The following LOXL2 variants were observed in gnomAD, a reference collection of about 807,000 sequenced individuals.
The protein encoded by LOXL2 is lysyl oxidase like 2.
Under a neutral mutation model 93.0 loss-of-function variants are expected in LOXL2, and 70 were observed. The observed-to-expected ratio is 0.75, with a 90% CI of 0.62 to 0.92. LOXL2 has a LOEUF of 0.92. Among genes scored for constraint, LOXL2 ranks in the 40% least tolerant of loss-of-function variants. The probability of loss-of-function intolerance (pLI) is 0.00; values close to 1 mark genes in which losing one functional copy is unlikely to be tolerated. For synonymous variants in LOXL2, 438 were observed against 413.2 expected (o/e 1.06, Z -0.73); for missense variants, 973 against 1,054.9 (o/e 0.92, Z 1.08).
chr8:23,323,197 A>T (rs1803524433), intron 6 of LOXL2, among the ~76,000 whole-genome samples: 1 of 152,240 alleles, frequency 6.6e-6, no homozygotes, highest in Non-Finnish European at 1.5e-5. Context: ...GGCTGGAAGC[A>T]TCGAAGGACT....
rs1181421343 is a variant in LOXL2 at position 23,353,049 on chromosome 8, G to T, written c.531+7041C>A. On this transcript the variant is annotated intron_variant, in intron 3 of 13. Transcript: ENST00000389131. ...GGTGGGGTGAGGTGGGGAGGGATGG[G>T]GTGAAGAAAAGAGAAAAGATGAAAA... is the stretch of plus-strand genomic sequence containing the variant. 2.6e-5 allele frequency among the ~76,000 whole-genome samples: 4 copies of T among 151,526 alleles called. No homozygotes were observed. The East Asian group carries it at 7.8e-4, about 30-fold the overall frequency.
chr8:23,401,808 G>C (rs985102973), intron 1 of LOXL2, among the ~76,000 whole-genome samples: 2 of 152,218 alleles, frequency 1.3e-5, no homozygotes, highest in Admixed American at 6.5e-5. Flanking sequence ...CAGTTGGAAA[G>C]AAAATAAAAG....
chr8:23,315,524 C>T (rs1164614364), intron 9 of LOXL2, among the ~76,000 whole-genome samples: 2 of 152,164 alleles, frequency 1.3e-5, no homozygotes, highest in African/African-American at 4.8e-5. Flanking sequence ...GAGGATCTGA[C>T]GGCATGGCTC....
At chr8:23,313,438 C>T (rs1331174431) in intron 9 of LOXL2, among the ~76,000 whole-genome samples, 1 of 151,840 alleles carries the variant, frequency 6.6e-6, no homozygotes, top group Non-Finnish European at 1.5e-5. Flanking sequence ...GGTACTGGTA[C>T]CAAAACAGAG....
chr8:23,301,667 TGGAGACAAGAGCTCCATA>T (rs1803133369), intron 12 of LOXL2, among the ~76,000 whole-genome samples: 2 of 152,132 alleles, frequency 1.3e-5, no homozygotes, highest in Admixed American at 1.3e-4. Context: ...ATGGGGATGG[TGGAGACAAGAGCTCCATA>T]GGAGACAAGA....
intron 1 of LOXL2, among the ~76,000 whole-genome samples, chr8:23,385,028 G>A (rs949485401): frequency 1.3e-5 from 2 of 152,040 alleles, no homozygotes; most frequent in Non-Finnish European, 2.9e-5. Flanking sequence ...TAATTTTATC[G>A]TGCAAAGACT....
chr8:23,297,743 A>C lies in LOXL2; in HGVS notation c.*300T>G. The C allele has an allele frequency of 3.2e-6, 1 of 316,482 alleles. No homozygotes were observed. The highest frequency in any genetic ancestry group is 5.9e-6 in the Non-Finnish European group (1 of 169,416). The allele number at this position is 316,482 out of a possible 1,614,324, so 19.6% of individuals were successfully genotyped here. ...GTGGCTTGAATGGGACAAGCTGATG[A>C]CAACCTGTCTGTGGGCCTCATCCCG... On this transcript the variant is annotated 3_prime_UTR_variant, in exon 14 of 14. Coordinates refer to ENST00000389131, the MANE Select transcript of LOXL2 (RefSeq NM_002318.3).
chr8:23,318,455 A>T (rs1803440174), intron 8 of LOXL2, among the ~76,000 whole-genome samples: 1 of 138,052 alleles, frequency 7.2e-6, no homozygotes, highest in African/African-American at 3.4e-5. Context: ...ACACACACAC[A>T]CACACAAAAA....
At chr8:23,354,947 A>AT in intron 3 of LOXL2, among the ~76,000 whole-genome samples, 3 of 54,078 alleles carry the variant, frequency 5.5e-5, no homozygotes, top group South Asian at 7.4e-4. Flanking sequence ...ATATATATAT[A>AT]TATTTTTTTT....
At chr8:23,322,820 G>A (rs184699845) in intron 6 of LOXL2, among the ~76,000 whole-genome samples, 7 of 152,328 alleles carry the variant, frequency 4.6e-5, no homozygotes, top group Admixed American at 2.0e-4. Flanking sequence ...TAGATACCAC[G>A]CCCGTTACCC....
intron 4 of LOXL2, among the ~76,000 whole-genome samples, chr8:23,334,195 C>T (rs571811989): frequency 6.6e-6 from 1 of 152,312 alleles, no homozygotes; most frequent in South Asian, 2.1e-4. Context: ...CCTGCCACCA[C>T]GCCCAGCTAA....
chr8:23,331,114 C>T (rs1399744042), intron 5 of LOXL2, among the ~76,000 whole-genome samples: 1 of 152,174 alleles, frequency 6.6e-6, no homozygotes, highest in Non-Finnish European at 1.5e-5. Flanking sequence ...GCTCTTGTCA[C>T]GGTGTCCCTT....
intron 5 of LOXL2, chr8:23,331,697 T>G (rs1007836328): frequency 6.6e-6 from 1 of 152,106 alleles, no homozygotes; most frequent in African/African-American, 2.4e-5. Flanking sequence ...GGGCATTTGC[T>G]CTTTGTCAGA....
chr8:23,322,031 C>T (rs1309660837), intron 7 of LOXL2, 99 bp downstream of exon 7: 1 of 1,309,322 alleles, frequency 7.6e-7, no homozygotes, highest in Non-Finnish European at 1.1e-6. Context: ...GCAGTACTAG[C>T]AGCAGCACCT....
In LOXL2 at chr8:23,367,944, A is replaced by C. The variant is rs964813829; in HGVS notation, c.355+53T>G. On this transcript the variant is annotated intron_variant, in intron 2 of 13. Transcript: ENST00000389131. ...TCCCAGGCTGACCTCAGGGAAGGCCACTCCGGGCCTTGCCAGGTGACAGCA... is the reference window on the plus strand; with the variant it reads ...TCCCAGGCTGACCTCAGGGAAGGCCCCTCCGGGCCTTGCCAGGTGACAGCA... The C allele has an allele frequency of 1.1e-5, 17 of 1,479,842 alleles. No individual in the cohort carries two copies. The African/African-American group carries it at 1.8e-4, about 16-fold the overall frequency. The allele number at this position is 1,479,842 out of a possible 1,614,324, so 91.7% of individuals were successfully genotyped here.
At chr8:23,327,808 C>T (rs1323331135) in intron 6 of LOXL2, among the ~76,000 whole-genome samples, 5 of 152,186 alleles carry the variant, frequency 3.3e-5, no homozygotes, top group African/African-American at 7.2e-5. Context: ...GCCTCCCTTC[C>T]GTTTTTTTGC....
At chr8:23,304,542 G>A (rs1263004604) in intron 10 of LOXL2, among the ~76,000 whole-genome samples, 2 of 152,214 alleles carry the variant, frequency 1.3e-5, no homozygotes, top group Admixed American at 6.5e-5. Context: ...AGTCATGGGA[G>A]CAGAGTCCCC....
chr8:23,362,490 C>T (rs1395148860), intron 2 of LOXL2, among the ~76,000 whole-genome samples: 4 of 152,160 alleles, frequency 2.6e-5, no homozygotes, highest in East Asian at 1.9e-4. Flanking sequence ...CTCAACACTT[C>T]GGGAGGCCAA....
At chr8:23,298,553 A>T (rs1034925809) in intron 13 of LOXL2, among the ~76,000 whole-genome samples, 1 of 152,250 alleles carries the variant, frequency 6.6e-6, no homozygotes, top group Non-Finnish European at 1.5e-5. Context: ...TTGAGGTCAC[A>T]TACATAATGA....
Sources: allele counts gnomAD v4.1 joint callset (sites outside exome capture counted in the v4.1 genomes callset), GRCh38; gene constraint gnomAD v4.1.1; transcripts MANE v1.5; gene names NCBI Gene and HGNC (gene_info 2026-07-23, HGNC 2026-07-21).